The following EIF3H variants were observed in gnomAD, a reference collection of about 807,000 sequenced individuals.
EIF3H encodes eukaryotic translation initiation factor 3 subunit H, also known as eIF-3-gamma.
A neutral mutation model predicts 44.2 loss-of-function variants in EIF3H; 26 were observed. The ratio of observed to expected loss-of-function variants is 0.59; its 90% confidence interval spans 0.43 to 0.82. The LOEUF (loss-of-function observed/expected upper bound fraction) is 0.82. EIF3H is among the 40% of genes least tolerant of loss of function. The pLI, the probability that EIF3H is intolerant of heterozygous loss-of-function variation, is 0.00. For missense variants in EIF3H, 359 were observed against 432.8 expected (o/e 0.83, Z 1.51); for synonymous variants, 166 against 151.9 (o/e 1.09, Z -0.68).
chr8:116,695,895 T>C (rs1475313271), intron 2 of EIF3H, among the ~76,000 whole-genome samples: 1 of 152,182 alleles, frequency 6.6e-6, no homozygotes, highest in East Asian at 1.9e-4. Context: ...ATTACAAATA[T>C]GAAAAGGGAG....
intron 2 of EIF3H, among the ~76,000 whole-genome samples, chr8:116,678,118 T>G (rs1361156846): frequency 6.6e-6 from 1 of 150,388 alleles, no homozygotes; most frequent in Non-Finnish European, 1.5e-5. Flanking sequence ...GCCTGCCGAG[T>G]GCCTGCGATT....
intron 2 of EIF3H, among the ~76,000 whole-genome samples, chr8:116,682,187 C>G (rs1252933495): frequency 6.6e-6 from 1 of 152,160 alleles, no homozygotes; most frequent in East Asian, 1.9e-4. Context: ...CAGTTGAAGG[C>G]TGTTGATTAA....
chr8:116,729,237 A>T (rs1375981798), intron 1 of EIF3H, among the ~76,000 whole-genome samples: 1 of 152,226 alleles, frequency 6.6e-6, no homozygotes, highest in South Asian at 2.1e-4. Flanking sequence ...AGTGATTCCT[A>T]AACAGCTGAT....
At chr8:116,705,650 TAA>T (rs1380440422) in intron 2 of EIF3H, among the ~76,000 whole-genome samples, 1 of 152,014 alleles carries the variant, frequency 6.6e-6, no homozygotes, top group African/African-American at 2.4e-5. Context: ...CAGCACTCTT[TAA>T]AACTGCCTAG....
intron 2 of EIF3H, among the ~76,000 whole-genome samples, chr8:116,720,434 T>C (rs914031859): frequency 1.3e-5 from 2 of 152,166 alleles, no homozygotes; most frequent in African/African-American, 4.8e-5. Context: ...AGCCTCCCCA[T>C]CCACGTAGAA....
intron 2 of EIF3H, among the ~76,000 whole-genome samples, chr8:116,709,897 T>A (rs1360673356): frequency 6.6e-6 from 1 of 152,192 alleles, no homozygotes; most frequent in Non-Finnish European, 1.5e-5. Context: ...GTCTCAGCCA[T>A]AGGTACCAGG....
intron 2 of EIF3H, among the ~76,000 whole-genome samples, chr8:116,679,275 G>A (rs1248446373): frequency 8.5e-5 from 4 of 47,106 alleles, no homozygotes; most frequent in Non-Finnish European, 1.3e-4. Flanking sequence ...CCGGCCAGCC[G>A]CCCCGTCCGG....
At chr8:116,739,389 G>A (rs565038266) in intron 1 of EIF3H, among the ~76,000 whole-genome samples, 89 of 152,332 alleles carry the variant, frequency 5.8e-4, no homozygotes, top group Non-Finnish European at 1.0e-3. Context: ...CATGGCTCAC[G>A]CCTGTAATCC....
chr8:116,730,460 G>A (rs1814932739), intron 1 of EIF3H, among the ~76,000 whole-genome samples: 1 of 152,162 alleles, frequency 6.6e-6, no homozygotes, highest in East Asian at 1.9e-4. Flanking sequence ...AACCCCCCAC[G>A]TGGAAAAACT....
In EIF3H at chr8:116,672,646, G is replaced by GA. The variant is rs921729997; in HGVS notation, c.290-13667dup. On this transcript the variant is annotated intron_variant, in intron 2 of 7. Coordinates refer to ENST00000521861, the MANE Select transcript of EIF3H (RefSeq NM_003756.3). ...CCCTATCTCTTAAAAAAGAAAAAAA[G>GA]AAAAAAAAAACTTGAAACAGTGGTC... Among the ~76,000 whole-genome samples, 1,137 of 146,326 alleles carry GA rather than the reference G, an allele frequency of 7.8e-3. 11 individuals are homozygous for GA. Among genetic ancestry groups the GA allele is most frequent in the African/African-American group, 0.026 (1,024 of 40,014 alleles).
rs1401112641 is a variant in EIF3H, at chr8:116,671,296, G to T, written c.290-12316C>A. ...ATACTAAGCTAGCAGTGTATCCCAAGGCTTTTGAGAATGTGTCAAAGGCAG... is the reference window on the plus strand; with the variant it reads ...ATACTAAGCTAGCAGTGTATCCCAATGCTTTTGAGAATGTGTCAAAGGCAG... On this transcript the variant is annotated intron_variant, in intron 2 of 7. Transcript: ENST00000521861. 2.6e-5 allele frequency among the ~76,000 whole-genome samples: 4 copies of T among 152,280 alleles called. No individual in the cohort carries two copies. The East Asian group carries it at 7.7e-4, about 29-fold the overall frequency.
chr8:116,656,720 C>T (rs1394487639), intron 4 of EIF3H, among the ~76,000 whole-genome samples: 1 of 152,044 alleles, frequency 6.6e-6, no homozygotes, highest in Non-Finnish European at 1.5e-5. Flanking sequence ...TATTACAATG[C>T]CATTAAATAG....
chr8:116,724,728 A>T (rs1460674559), intron 2 of EIF3H, among the ~76,000 whole-genome samples: 1 of 152,238 alleles, frequency 6.6e-6, no homozygotes, highest in Non-Finnish European at 1.5e-5. Context: ...ATTCAAAACC[A>T]CAATGAGATG....
chr8:116,745,233 T>C (rs1486167652), intron 1 of EIF3H, among the ~76,000 whole-genome samples: 1 of 152,244 alleles, frequency 6.6e-6, no homozygotes, highest in Non-Finnish European at 1.5e-5. Context: ...TGGGAAACCA[T>C]CCAGTTTGGA....
chr8:116,706,782 T>C (rs1372914182), intron 2 of EIF3H, among the ~76,000 whole-genome samples: 5 of 152,046 alleles, frequency 3.3e-5, no homozygotes, highest in Non-Finnish European at 7.4e-5. Flanking sequence ...TGGCCTCATG[T>C]TATCTGCCCG....
chr8:116,723,989 A>T (rs548880382), intron 2 of EIF3H, among the ~76,000 whole-genome samples: 1 of 152,308 alleles, frequency 6.6e-6, no homozygotes, highest in African/African-American at 2.4e-5. Context: ...ATGGAATCTC[A>T]AAGGACCCTG....
At chr8:116,665,538 A>G (rs1259555587) in intron 2 of EIF3H, among the ~76,000 whole-genome samples, 1 of 152,210 alleles carries the variant, frequency 6.6e-6, no homozygotes, top group African/African-American at 2.4e-5. Context: ...TAGCTTAAAA[A>G]GCAAGCAAAC....
At chr8:116,736,946 A>G (rs963093841) in intron 1 of EIF3H, among the ~76,000 whole-genome samples, 1 of 152,368 alleles carries the variant, frequency 6.6e-6, no homozygotes, top group African/African-American at 2.4e-5. Flanking sequence ...ATTGTTGAAG[A>G]CAAAGTATAC....
intron 1 of EIF3H, among the ~76,000 whole-genome samples, chr8:116,747,407 T>C (rs1815255966): frequency 6.6e-6 from 1 of 152,216 alleles, no homozygotes; most frequent in Non-Finnish European, 1.5e-5. Flanking sequence ...CATGGTTAGA[T>C]TGTGTTCCAT....
Sources: gnomAD v4.1 joint callset for allele counts (sites outside exome capture counted in the v4.1 genomes callset) on GRCh38, gnomAD v4.1.1 for gene constraint, MANE v1.5 for transcripts, NCBI Gene and HGNC (gene_info 2026-07-23, HGNC 2026-07-21) for gene names.